CIROZ: variants seen among roughly 807,000 people sequenced by gnomAD.
The protein encoded by CIROZ is ciliated left-right organizer ZP-N domains-containing protein.
At chr1:10,948,583 G>A in the CIROZ span, 1 of 1,614,190 alleles carries the variant, frequency 6.2e-7, no homozygotes, top group East Asian at 2.2e-5. Flanking sequence ...GGCGGTGAAG[G>A]AGAGGAGGCA....
the CIROZ span, chr1:10,969,878 T>A: frequency 1.1e-5 from 15 of 1,426,514 alleles, no homozygotes; most frequent in African/African-American, 1.4e-5. Context: ...CCCAGGAACC[T>A]GCAAGAGCCA....
At chr1:10,950,975 G>A in the CIROZ span, among the ~76,000 whole-genome samples, 11,735 of 152,136 alleles carry the variant, frequency 0.077, 789 homozygotes, top group African/African-American at 0.18. Flanking sequence ...TGGTGGCTGC[G>A]GGTTCCCAGG....
the CIROZ span, among the ~76,000 whole-genome samples, chr1:10,954,467 AGAAAAGAAAAG>A: frequency 3.0e-4 from 39 of 130,308 alleles, no homozygotes; most frequent in African/African-American, 1.1e-3. Context: ...AAAAAAAAAA[AGAAAAGAAAAG>A]AAAAGAAAAG....
At chr1:10,973,234 G>C in the CIROZ span, among the ~76,000 whole-genome samples, 24 of 152,238 alleles carry the variant, frequency 1.6e-4, no homozygotes, top group African/African-American at 4.8e-4. Flanking sequence ...TTAGCTGGGC[G>C]TGGTTGCGGG....
chr1:10,977,493 A>G, the CIROZ span, among the ~76,000 whole-genome samples: 2 of 152,172 alleles, frequency 1.3e-5, no homozygotes, highest in African/African-American at 4.8e-5. Context: ...CAATAAATAA[A>G]TAAATAAATA....
chr1:10,966,324 TA>T, the CIROZ span: 104,809 of 981,540 alleles, frequency 0.11, 6 homozygotes, highest in South Asian at 0.17. Flanking sequence ...AATCTCCCTT[TA>T]AAAAAAAAAA....
At chr1:10,949,374 G>A in the CIROZ span, 1 of 549,854 alleles carries the variant, frequency 1.8e-6, no homozygotes, top group Non-Finnish European at 3.3e-6. Context: ...CAAGGCCCTG[G>A]GAGGCTGCCG....
chr1:10,960,905 G>A, the CIROZ span, among the ~76,000 whole-genome samples: 1 of 152,152 alleles, frequency 6.6e-6, no homozygotes, highest in Non-Finnish European at 1.5e-5. This position sits in a 1 kb window ranked among gnomAD's most constrained non-coding sequence, Gnocchi z 4.6. Flanking sequence ...TCTCAGATGG[G>A]GGAAGGGGCT....
the CIROZ span, among the ~76,000 whole-genome samples, chr1:10,963,615 C>T: frequency 6.6e-6 from 1 of 151,996 alleles, no homozygotes; most frequent in East Asian, 1.9e-4. Flanking sequence ...TCAAGGAGCA[C>T]ACACGGCCAT....
At chr1:10,960,360 TC>T in the CIROZ span, among the ~76,000 whole-genome samples, 25 of 152,084 alleles carry the variant, frequency 1.6e-4, no homozygotes, top group African/African-American at 6.0e-4. The surrounding 1 kb of genome is among the most constrained non-coding windows in gnomAD (Gnocchi z 4.6). Context: ...ACTGAGATTG[TC>T]CCACTCACTC....
the CIROZ span, chr1:10,948,908 G>T: frequency 2.8e-6 from 4 of 1,412,326 alleles, no homozygotes; most frequent in South Asian, 7.5e-5. Context: ...GGCTCCGGCT[G>T]CCCTGAGAAT....
the CIROZ span, among the ~76,000 whole-genome samples, chr1:10,958,275 A>G: frequency 6.6e-6 from 1 of 152,200 alleles, no homozygotes; most frequent in Non-Finnish European, 1.5e-5. Flanking sequence ...AGGGATGTGA[A>G]ATGGAGAAGA....
At chr1:10,966,779 T>C in the CIROZ span, among the ~76,000 whole-genome samples, 1 of 151,962 alleles carries the variant, frequency 6.6e-6, no homozygotes, top group Admixed American at 6.6e-5. Flanking sequence ...TTTGCCCCAG[T>C]TGTGTATATT....
the CIROZ span, chr1:10,949,733 G>A: frequency 1.3e-6 from 2 of 1,590,928 alleles, no homozygotes; most frequent in Non-Finnish European, 1.7e-6. Context: ...CACTCCCGCT[G>A]GAGGGGTCTC....
At chr1:10,947,993 TG>T in the CIROZ span, 1 of 1,613,548 alleles carries the variant, frequency 6.2e-7, no homozygotes, top group Non-Finnish European at 8.5e-7. Context: ...GAAGAGCTGC[TG>T]GGCGAACAGG....
the CIROZ span, among the ~76,000 whole-genome samples, chr1:10,967,158 A>G: frequency 5.1e-3 from 209 of 41,216 alleles, 2 homozygotes; most frequent in Middle Eastern, 0.017. Flanking sequence ...AAAAAAAGAA[A>G]AAAAAAAAAA....
At chr1:10,959,532 C>T in the CIROZ span, among the ~76,000 whole-genome samples, 1 of 152,188 alleles carries the variant, frequency 6.6e-6, no homozygotes, top group African/African-American at 2.4e-5. The surrounding 1 kb of genome is among the most constrained non-coding windows in gnomAD (Gnocchi z 4.3). Context: ...CAGACTTGGC[C>T]AGGGAGGTTG....
chr1:10,963,416 A>C, the CIROZ span, among the ~76,000 whole-genome samples: 2 of 151,792 alleles, frequency 1.3e-5, no homozygotes, highest in Admixed American at 1.3e-4. Context: ...AACAAACAAA[A>C]AAACCCAGCT....
At chr1:10,962,767 G>A in the CIROZ span, among the ~76,000 whole-genome samples, 1 of 152,210 alleles carries the variant, frequency 6.6e-6, no homozygotes, top group Non-Finnish European at 1.5e-5. Flanking sequence ...ATGAAGGTGA[G>A]ATGAGTTAAT....
Sources: gnomAD v4.1 joint callset for allele counts (sites outside exome capture counted in the v4.1 genomes callset) on GRCh38, gnomAD v4.1.1 for gene constraint, Gnocchi (gnomAD v3.1) non-coding constraint, MANE v1.5 for transcripts, NCBI Gene and HGNC (gene_info 2026-07-23, HGNC 2026-07-21) for gene names.